Variants in SPEN observed in about 807,000 individuals in gnomAD.
SPEN encodes spen family transcriptional repressor, also known as msx2-interacting protein.
SPEN carries 18 observed loss-of-function variants against 269.9 expected under a neutral mutation model. The observed-to-expected ratio is 0.07, with a 90% CI of 0.05 to 0.10. SPEN has a LOEUF of 0.10. SPEN is among the 10% of genes least tolerant of loss of function. The probability of loss-of-function intolerance (pLI) is 1.00; values close to 1 mark genes in which losing one functional copy is unlikely to be tolerated. For missense variants in SPEN, 3,822 were observed against 4,631.2 expected (o/e 0.83, Z 5.07); for synonymous variants, 1,726 against 1,765.7 (o/e 0.98, Z 0.56).
At chr1:15,861,911 A>G (rs1210430569) in intron 1 of SPEN, among the ~76,000 whole-genome samples, 2 of 152,162 alleles carry the variant, frequency 1.3e-5, no homozygotes, top group African/African-American at 4.8e-5. Flanking sequence ...GCGTGGTAGC[A>G]CATGCCTGTA....
intron 2 of SPEN, chr1:15,874,465 C>G (rs1475854868): frequency 8.4e-7 from 1 of 1,184,540 alleles, no homozygotes; most frequent in African/African-American, 1.6e-5. Flanking sequence ...TTTTTCCCCA[C>G]TAACTCTAGA....
intron 13 of SPEN, among the ~76,000 whole-genome samples, chr1:15,938,208 A>G (rs569051303): frequency 6.6e-6 from 1 of 152,196 alleles, no homozygotes; most frequent in Non-Finnish European, 1.5e-5. Flanking sequence ...GGTTCAAGCC[A>G]TTCTCTTGCC....
chr1:15,870,587 C>G (rs1557737862), intron 1 of SPEN, among the ~76,000 whole-genome samples: 1 of 152,150 alleles, frequency 6.6e-6, no homozygotes, highest in African/African-American at 2.4e-5. Context: ...AAGAATGACT[C>G]AGAGAGAATT....
At chr1:15,936,659 G>A (rs1272350441) in intron 11 of SPEN, among the ~76,000 whole-genome samples, 9 of 109,920 alleles carry the variant, frequency 8.2e-5, no homozygotes, top group Non-Finnish European at 1.8e-4. Context: ...AAAAAAAGCC[G>A]GGCATAGTGG....
At position 15,907,505 on chromosome 1, in the gene SPEN, T is replaced by C. The variant is rs187188667; in HGVS notation, c.882-1816T>C. Among the ~76,000 whole-genome samples, 375 of 152,236 alleles carry C rather than the reference T, an allele frequency of 2.5e-3. 2 individuals are homozygous for C. The highest frequency in any genetic ancestry group is 3.6e-3 in the Non-Finnish European group (246 of 68,002). ...GAAAAAAAAAGGTCTGTAGCAAATT[T>C]TTTTCAACCTAAACTTGGACTCATT... On this transcript the variant is annotated intron_variant, in intron 3 of 14. Coordinates refer to ENST00000375759, the MANE Select transcript of SPEN (RefSeq NM_015001.3).
At chr1:15,885,857 C>T (rs2070732167) in intron 3 of SPEN, among the ~76,000 whole-genome samples, 1 of 152,160 alleles carries the variant, frequency 6.6e-6, no homozygotes, top group Admixed American at 6.5e-5. Flanking sequence ...CACTGAAGAG[C>T]CCACAGTTTG....
At position 15,936,174 on chromosome 1, in the gene SPEN, C is replaced by G; in HGVS notation, c.9934C>G (p.Arg3312Gly). 6.2e-7 allele frequency: 1 copy of G among 1,605,468 alleles called. No homozygotes were observed. Among genetic ancestry groups the G allele is most frequent in the South Asian group, 1.1e-5 (1 of 90,560 alleles). ...TCAAGAGTACCGGTACGGCGACATC[C>G]GCACCTACCACCCCCCGGCCCAGCT... The part of the protein sequence containing the change: ...LFQEYRYGDI[R>G]TYHPPAQLTH... Residue 3312 changes from arginine (R) to glycine (G), a missense_variant, in exon 11 of 15, where the codon CGC becomes GGC. Physicochemically the swap from Arg to Gly is moderately radical, Grantham distance 125 (BLOSUM62 -2). Around this residue, in one of 16 missense-constraint regions of SPEN, gnomAD observed 359 missense variants for 377.3 expected, o/e 0.95. Coordinates refer to ENST00000375759, the MANE Select transcript of SPEN (RefSeq NM_015001.3).
rs1332433708 is a variant in SPEN, at chr1:15,934,910, C to T, written c.8670C>T (p.Ala2890=). The T allele has an allele frequency of 2.5e-6, 4 of 1,614,106 alleles. No individual in the cohort carries two copies. The highest frequency in any genetic ancestry group is 3.3e-5 in the Admixed American group (2 of 60,006). Residue 2890 remains alanine (A), a synonymous_variant, in exon 11 of 15, where the codon GCC becomes GCT. Transcript: ENST00000375759. The surrounding 1 kb of genome is among the most constrained non-coding windows in gnomAD (Gnocchi z 9.2). The part of the protein sequence containing the change: ...VATHSTLVLT[A]QTYNASPVIS... ...CCCATTCCACGTTGGTACTGACCGC[C>T]CAGACATATAATGCCTCTCCTGTGA...
chr1:15,928,619 A>T lies in SPEN; in HGVS notation c.2379A>T (p.Lys793Asn), dbSNP rs759249316. The T allele has an allele frequency of 1.2e-6, 2 of 1,614,132 alleles. No individual in the cohort carries two copies. Among genetic ancestry groups the T allele is most frequent in the Non-Finnish European group, 1.7e-6 (2 of 1,180,030 alleles). ...ATACAAAAAATGAAAAGACAGATAA[A>T]GAACGAACTTTTGATCCGGAGAGAG... ...ERYTKNEKTDKERTFDPERVE... is the reference protein window; with the variant it reads ...ERYTKNEKTDNERTFDPERVE... Residue 793 changes from lysine (K) to asparagine (N), a missense_variant, in exon 11 of 15, where the codon AAA becomes AAT. Lys to Asn is a moderately conservative substitution (Grantham distance 94). Transcript: ENST00000375759. The surrounding 1 kb of genome is among the most constrained non-coding windows in gnomAD (Gnocchi z 5.7).
In SPEN at chr1:15,937,844, C is replaced by T; in HGVS notation, c.10542C>T (p.Ala3514=). 1 of 1,614,080 alleles carries T rather than the reference C, an allele frequency of 6.2e-7. No homozygotes were observed. Residue 3514 remains alanine, a synonymous_variant, in exon 13 of 15, where the codon GCC becomes GCT. Transcript: ENST00000375759. This position sits in a 1 kb window ranked among gnomAD's most constrained non-coding sequence, Gnocchi z 5.7. ...CCATCGTGTGGCAGGGCCTGCTGGC[C>T]CTCAAGAATGACACAGCTGCTGTGC... ...KYPIVWQGLL[A]LKNDTAAVQL...
At chr1:15,906,664 A>G (rs1264043055) in intron 3 of SPEN, among the ~76,000 whole-genome samples, 1 of 151,268 alleles carries the variant, frequency 6.6e-6, no homozygotes, top group East Asian at 1.9e-4. Context: ...AGGTTTCACC[A>G]TGTTGGCCAG....
In SPEN at chr1:15,876,600, C is replaced by G. The variant is rs1239049446; in HGVS notation, c.803C>G (p.Ser268Cys). 13 of 1,614,020 alleles carry G rather than the reference C, an allele frequency of 8.1e-6. No individual in the cohort carries two copies. The South Asian group carries it at 1.2e-4, about 15-fold the overall frequency. Residue 268 changes from serine to cysteine, a missense_variant, in exon 3 of 15, where the codon TCC (serine) becomes TGC (cysteine). Physicochemically the swap from Ser to Cys is moderately radical, Grantham distance 112 (BLOSUM62 -1). Around this residue, in one of 16 missense-constraint regions of SPEN, gnomAD observed 327 missense variants for 350.8 expected, o/e 0.93. Transcript: ENST00000375759. ...AGCCAAGCATCTAGACCCACAAGGT[C>G]CCCTAGCGGCAGCGGCTCTAGAAGT... ...LASQASRPTR[S>C]PSGSGSRSRS...
At chr1:15,906,503 G>T (rs1173211094) in intron 3 of SPEN, among the ~76,000 whole-genome samples, 1 of 129,962 alleles carries the variant, frequency 7.7e-6, no homozygotes. Flanking sequence ...CTGTTGTCCA[G>T]GCTGGAGTGC....
chr1:15,855,990 CTTTT>C (rs1553173874), intron 1 of SPEN, among the ~76,000 whole-genome samples: 5 of 28,218 alleles, frequency 1.8e-4, no homozygotes, highest in Non-Finnish European at 3.2e-4. Flanking sequence ...GATGCTAGAA[CTTTT>C]TTTTTTTTTT....
At chr1:15,854,432 ACTC>A (rs766577447) in intron 1 of SPEN, among the ~76,000 whole-genome samples, 1 of 152,046 alleles carries the variant, frequency 6.6e-6, no homozygotes, top group Admixed American at 6.6e-5. Flanking sequence ...AAAATAGTGT[ACTC>A]CTCTGTGGAA....
Position 15,925,204 on chromosome 1 carries a change from G to A in SPEN, c.1850+2855G>A, listed in dbSNP as rs1016723172. ...CAGGCCACTAAGGGGCTGGGCTGGG[G>A]ATAAACCTAGGGTTCCTACCTGCTA... is the stretch of plus-strand genomic sequence containing the variant. On this transcript the variant is annotated intron_variant, in intron 10 of 14. Transcript: ENST00000375759. Among the ~76,000 whole-genome samples the A allele has an allele frequency of 2.0e-5, 3 of 152,182 alleles. No homozygotes were observed. In the East Asian group the frequency reaches 5.8e-4, roughly 29 times the overall value.
rs906062557 is a variant in SPEN at position 15,931,235 on chromosome 1, G to A, written c.4995G>A (p.Ala1665=). 13 of 1,614,074 alleles carry A rather than the reference G, an allele frequency of 8.1e-6. No individual in the cohort carries two copies. The Admixed American group carries it at 8.3e-5, about 10-fold the overall frequency. ...EKTTGDKTVE[A]PLVTEEKTVE... ...CCACTGGTGACAAAACGGTAGAGGCGCCTTTGGTAACAGAAGAGAAGACTG... is the reference window on the plus strand; with the variant it reads ...CCACTGGTGACAAAACGGTAGAGGCACCTTTGGTAACAGAAGAGAAGACTG... The change falls in exon 11 of 15, where the codon GCG becomes GCA. Residue 1665 remains alanine, a synonymous_variant. Transcript: ENST00000375759. The surrounding 1 kb of genome is among the most constrained non-coding windows in gnomAD (Gnocchi z 4.8).
intron 3 of SPEN, among the ~76,000 whole-genome samples, chr1:15,896,099 T>C (rs191846326): frequency 2.3e-3 from 343 of 152,188 alleles, no homozygotes; most frequent in African/African-American, 7.9e-3. Flanking sequence ...TTAATGATTT[T>C]TTTCCTCTCA....
chr1:15,933,715 A>G lies in SPEN; in HGVS notation c.7475A>G (p.Gln2492Arg). ...GTCGCCTCTGGGGGGATCCCACACC[A>G]GAGCCCCCCTACTAAGGTGACAGAG... is the stretch of plus-strand genomic sequence containing the variant. ...PPVASGGIPH[Q>R]SPPTKVTEWI... The change falls in exon 11 of 15, where the codon CAG (glutamine) becomes CGG (arginine). Residue 2492 changes from glutamine to arginine, a missense_variant. Coordinates refer to ENST00000375759, the MANE Select transcript of SPEN (RefSeq NM_015001.3). This position sits in a 1 kb window ranked among gnomAD's most constrained non-coding sequence, Gnocchi z 5.7. The G allele has an allele frequency of 6.2e-7, 1 of 1,614,098 alleles. No individual in the cohort carries two copies. The highest frequency in any genetic ancestry group is 8.5e-7 in the Non-Finnish European group (1 of 1,179,974).
Sources: gnomAD v4.1 joint callset for allele counts (sites outside exome capture counted in the v4.1 genomes callset) on GRCh38, gnomAD v4.1.1 for gene constraint, gnomAD v4.1.1 regional missense constraint, Gnocchi (gnomAD v3.1) non-coding constraint, MANE v1.5 for transcripts, NCBI Gene and HGNC (gene_info 2026-07-23, HGNC 2026-07-21) for gene names.